The following CECR2 variants were observed in gnomAD, a reference collection of about 807,000 sequenced individuals.
The protein encoded by CECR2 is CECR2 histone acetyl-lysine reader, also known as chromatin remodeling regulator CECR2.
CECR2 carries 30 observed loss-of-function variants against 154.5 expected under a neutral mutation model. That is an observed-to-expected ratio of 0.19 (90% CI 0.15 to 0.26). CECR2 has a LOEUF of 0.26. Among genes scored for constraint, CECR2 ranks in the 10% least tolerant of loss-of-function variants. The pLI is 1.00. For synonymous variants in CECR2, 725 were observed against 683.7 expected (o/e 1.06, Z -0.94); for missense variants, 1,743 against 1,829.3 (o/e 0.95, Z 0.86).
upstream of CECR2, among the ~76,000 whole-genome samples, chr22:17,367,868 C>T (rs55861449): frequency 6.6e-6 from 1 of 152,136 alleles, no homozygotes; most frequent in Non-Finnish European, 1.5e-5. Flanking sequence ...CACACACAAA[C>T]GTAGGCTTGG....
intron 1 of CECR2, among the ~76,000 whole-genome samples, chr22:17,454,808 T>A (rs2054829170): frequency 6.6e-6 from 1 of 152,226 alleles, no homozygotes; most frequent in African/African-American, 2.4e-5. Flanking sequence ...CATTTCCAGC[T>A]GTTTGAAATG....
At chr22:17,499,268 C>A in intron 3 of CECR2, 142 bp from the exon 4 acceptor site, 3 of 925,316 alleles carry the variant, frequency 3.2e-6, no homozygotes, top group Non-Finnish European at 4.7e-6. Flanking sequence ...GGATTACAGG[C>A]GTGAGCCACC....
intron 1 of CECR2, among the ~76,000 whole-genome samples, chr22:17,386,603 T>G (rs549438032): frequency 6.6e-6 from 1 of 152,248 alleles, no homozygotes; most frequent in South Asian, 2.1e-4. Context: ...GCTCAGTATT[T>G]TAGCTTTCTG....
At chr22:17,530,454 A>T (rs1456148864) in intron 9 of CECR2, among the ~76,000 whole-genome samples, 1 of 152,070 alleles carries the variant, frequency 6.6e-6, no homozygotes, top group East Asian at 1.9e-4. Context: ...CAGGCAGATC[A>T]CGAGGTCAGG....
At chr22:17,452,222 G>A (rs1835008905) in intron 1 of CECR2, among the ~76,000 whole-genome samples, 1 of 152,152 alleles carries the variant, frequency 6.6e-6, no homozygotes, top group Non-Finnish European at 1.5e-5. Flanking sequence ...ACACGTGTGA[G>A]CCACCACGCC....
chr22:17,510,678 T>C (rs1036513289), intron 7 of CECR2, among the ~76,000 whole-genome samples: 1 of 152,194 alleles, frequency 6.6e-6, no homozygotes, highest in Non-Finnish European at 1.5e-5. Context: ...GTCGGCTCAC[T>C]GCAAGCTCCG....
intron 1 of CECR2, among the ~76,000 whole-genome samples, chr22:17,402,754 CTTTTTTTTTT>C (rs386394918): frequency 3.2e-5 from 4 of 123,104 alleles, no homozygotes; most frequent in Non-Finnish European, 3.4e-5. Flanking sequence ...TTCTTTTCTT[CTTTTTTTTTT>C]TTTTTTTTTG....
rs9605292 is a variant in CECR2, at chr22:17,432,977, G to A, written c.127-44611G>A. The stretch of plus-strand genomic sequence containing the variant: ...GTTACCCATAAATATAACACATTCT[G>A]TATGGTGTTTTTCCTGGTACATTTC... On this transcript the variant is annotated intron_variant, in intron 1 of 18. Transcript: ENST00000262608. Among the ~76,000 whole-genome samples the A allele has an allele frequency of 8.3e-3, 1,267 of 152,276 alleles. 13 individuals carry two copies. Among genetic ancestry groups the A allele is most frequent in the Non-Finnish European group, 0.011 (768 of 68,032 alleles).
chr22:17,418,703 G>C (rs2054191476), intron 1 of CECR2: 2 of 513,082 alleles, frequency 3.9e-6, no homozygotes, highest in African/African-American at 4.1e-5. Context: ...AGACATGGCG[G>C]AGGCGATGGA....
chr22:17,528,433 A>C (rs1308031595), intron 9 of CECR2, among the ~76,000 whole-genome samples: 1 of 152,170 alleles, frequency 6.6e-6, no homozygotes, highest in South Asian at 2.1e-4. Flanking sequence ...GGTTGGGGAG[A>C]GGTAGGATGG....
chr22:17,381,272 T>A (rs1254205322), intron 1 of CECR2, among the ~76,000 whole-genome samples: 1 of 152,212 alleles, frequency 6.6e-6, no homozygotes, highest in African/African-American at 2.4e-5. Flanking sequence ...CATTTTCCTT[T>A]GTGGTGTTAA....
At chr22:17,370,428 G>A (rs1451595703) in intron 1 of CECR2, among the ~76,000 whole-genome samples, 3 of 151,612 alleles carry the variant, frequency 2.0e-5, no homozygotes, top group Non-Finnish European at 1.5e-5. Flanking sequence ...GGGGCTCCCG[G>A]AGGCCCCAAG....
chr22:17,426,203 C>T (rs1053039660), intron 1 of CECR2, among the ~76,000 whole-genome samples: 2 of 152,024 alleles, frequency 1.3e-5, no homozygotes, highest in Admixed American at 6.6e-5. Context: ...AACAAAAACC[C>T]ACAATACATT....
Position 17,542,598 on chromosome 22 carries a change from C to T in CECR2, c.2455C>T (p.Pro819Ser), listed in dbSNP as rs61740316. 204 of 1,613,948 alleles carry T rather than the reference C, an allele frequency of 1.3e-4. 1 individual carries two copies. In the African/African-American group the frequency reaches 2.5e-3, roughly 20 times the overall value. ...MDSRVMRPPV[P>S]PNQWTEQSGF... ...TTCCCGAGTCATGAGACCACCTGTC[C>T]CCCCCAACCAGTGGACTGAACAATC... is the stretch of plus-strand genomic sequence containing the variant. Residue 819 changes from proline to serine, a missense_variant, in exon 16 of 19, where the codon CCC becomes TCC. Pro to Ser is a moderately conservative substitution (Grantham distance 74). Coordinates refer to ENST00000262608, the MANE Select transcript of CECR2 (RefSeq NM_001290047.2).
intron 1 of CECR2, among the ~76,000 whole-genome samples, chr22:17,427,324 T>A (rs577570908): frequency 1.3e-5 from 2 of 151,952 alleles, no homozygotes; most frequent in African/African-American, 4.8e-5. Flanking sequence ...AATAAACATA[T>A]GTGTGCCTGT....
Position 17,504,987 on chromosome 22 carries a change from C to T in CECR2, c.841C>T (p.Pro281Ser), listed in dbSNP as rs1436530113. The change falls in exon 7 of 19, where the codon CCT becomes TCT. Residue 281 changes from proline to serine, a missense_variant. Coordinates refer to ENST00000262608, the MANE Select transcript of CECR2 (RefSeq NM_001290047.2). ...CAAGCTCCTCAGTGAGGACTTCCTG[C>T]CTGAGATCTGCAACATGATCGCCCA... Reference protein sequence around the residue: ...LYKLLSEDFLPEICNMIAQKG... With the variant: ...LYKLLSEDFLSEICNMIAQKG... The T allele has an allele frequency of 1.9e-6, 3 of 1,613,636 alleles. No individual in the cohort carries two copies. The highest frequency in any genetic ancestry group is 2.5e-6 in the Non-Finnish European group (3 of 1,179,828).
chr22:17,360,101 C>T (rs1158254646), intron 1 of CECR2: 1 of 152,134 alleles, frequency 6.6e-6, no homozygotes, highest in Non-Finnish European at 1.5e-5. Flanking sequence ...GATCAGGAAA[C>T]AATCCCAAAA....
chr22:17,380,231 T>C (rs192207368), intron 1 of CECR2, among the ~76,000 whole-genome samples: 3 of 152,336 alleles, frequency 2.0e-5, no homozygotes, highest in African/African-American at 7.2e-5. Flanking sequence ...AAAAGCAGTT[T>C]TCTCCTCTTT....
At position 17,394,197 on chromosome 22, in the gene CECR2, C is replaced by CTTTTTTTTTTTTTTTTTTTTTTTTTT. The variant is rs71200271; in HGVS notation, c.126+24289_126+24314dup. Among the ~76,000 whole-genome samples the CTTTTTTTTTTTTTTTTTTTTTTTTTT allele has an allele frequency of 2.1e-5, 2 of 97,088 alleles. 1 individual carries two copies. The highest frequency in any genetic ancestry group is 8.4e-5 in the African/African-American group (2 of 23,876). 63.7% of individuals were successfully genotyped at this position (97,088 alleles called of 152,430 possible). A position where few individuals can be genotyped will look rare whatever the true frequency, so the allele number is the denominator to read the frequency against. On this transcript the variant is annotated intron_variant, in intron 1 of 18. Transcript: ENST00000262608. ...CCACCGCGCCCAGCTGCTGCCGCTGCTTTTTTTTTTTTTTTTTTTTTTTTT... is the reference window on the plus strand; with the variant it reads ...CCACCGCGCCCAGCTGCTGCCGCTGCTTTTTTTTTTTTTTTTTTTTTTTTTTTTTTTTTTTTTTTTTTTTTTTTTTT...
Sources: allele counts gnomAD v4.1 joint callset (sites outside exome capture counted in the v4.1 genomes callset), GRCh38; gene constraint gnomAD v4.1.1; transcripts MANE v1.5; gene names NCBI Gene and HGNC (gene_info 2026-07-23, HGNC 2026-07-21).